Variants in CTNNA2 observed in about 807,000 individuals in gnomAD.
CTNNA2 encodes catenin alpha 2.
CTNNA2 carries 42 observed loss-of-function variants against 101.0 expected under a neutral mutation model. The observed-to-expected ratio is 0.42, with a 90% CI of 0.32 to 0.54. CTNNA2 has a LOEUF of 0.54. Ranked by LOEUF, CTNNA2 falls within the 20% of genes least tolerant of loss-of-function variation. CTNNA2 has a pLI of 0.14. For synonymous variants in CTNNA2, 450 were observed against 456.4 expected (o/e 0.99, Z 0.18); for missense variants, 871 against 1,223.1 (o/e 0.71, Z 4.29).
intron 7 of CTNNA2, among the ~76,000 whole-genome samples, chr2:80,287,905 T>A (rs1158522006): frequency 6.6e-6 from 1 of 152,198 alleles, no homozygotes; most frequent in African/African-American, 2.4e-5. Flanking sequence ...CAGCACCAGG[T>A]AAAGGCATTG....
intron 1 of CTNNA2, among the ~76,000 whole-genome samples, chr2:79,621,979 C>T (rs1159978095): frequency 2.0e-5 from 3 of 152,152 alleles, no homozygotes; most frequent in Non-Finnish European, 4.4e-5. Flanking sequence ...GTCTGAGAAA[C>T]TGTAGCAGCC....
intron 3 of CTNNA2, among the ~76,000 whole-genome samples, chr2:79,840,919 G>A (rs545486511): frequency 3.4e-4 from 51 of 152,204 alleles, no homozygotes; most frequent in African/African-American, 1.2e-3. Flanking sequence ...ACAGGCGCCC[G>A]CCACGGCACC....
intron 4 of CTNNA2, among the ~76,000 whole-genome samples, chr2:79,456,507 G>C (rs1460148960): frequency 1.3e-5 from 2 of 152,024 alleles, no homozygotes; most frequent in African/African-American, 4.8e-5. Context: ...CATCTCATTT[G>C]GTGCTGTATT....
At chr2:79,311,845 G>A (rs10186312) in intron 2 of CTNNA2, among the ~76,000 whole-genome samples, 27,209 of 152,084 alleles carry the variant, frequency 0.18, 2,831 homozygotes, top group African/African-American at 0.29. Context: ...CTTTTCCTTT[G>A]GAGGTAGTTA....
intron 1 of CTNNA2, among the ~76,000 whole-genome samples, chr2:79,521,129 T>A (rs1355134075): frequency 6.6e-5 from 1 of 15,138 alleles, no homozygotes; most frequent in Admixed American, 4.5e-4. Context: ...TATATATATA[T>A]ATATATATAT....
At chr2:79,686,085 A>T (rs1449492328) in intron 2 of CTNNA2, among the ~76,000 whole-genome samples, 2 of 152,142 alleles carry the variant, frequency 1.3e-5, no homozygotes, top group Non-Finnish European at 2.9e-5. Context: ...GAAGGCCCTG[A>T]CATAAGGCTG....
At chr2:79,702,111 G>A (rs1685050751) in intron 2 of CTNNA2, among the ~76,000 whole-genome samples, 1 of 151,418 alleles carries the variant, frequency 6.6e-6, no homozygotes, top group African/African-American at 2.4e-5. Context: ...GGTACTCAAA[G>A]TCTTTCATTC....
At chr2:79,348,358 G>T (rs1215983433) in intron 3 of CTNNA2, among the ~76,000 whole-genome samples, 2 of 152,130 alleles carry the variant, frequency 1.3e-5, no homozygotes, top group African/African-American at 4.8e-5. Context: ...CAGTTGTTTT[G>T]GGGGCACAAT....
At chr2:79,552,334 G>C (rs1443701891) in intron 1 of CTNNA2, among the ~76,000 whole-genome samples, 1 of 152,154 alleles carries the variant, frequency 6.6e-6, no homozygotes, top group Non-Finnish European at 1.5e-5. Flanking sequence ...AGTGATGCAA[G>C]GGTGGGCTCC....
chr2:79,189,713 A>G (rs140436854), intron 1 of CTNNA2, among the ~76,000 whole-genome samples: 2 of 152,270 alleles, frequency 1.3e-5, no homozygotes, highest in East Asian at 1.9e-4. Flanking sequence ...CACCCTCTGG[A>G]GTTAAGCTCC....
chr2:80,510,806 A>G (rs1356007667), intron 9 of CTNNA2, among the ~76,000 whole-genome samples: 1 of 152,208 alleles, frequency 6.6e-6, no homozygotes, highest in Non-Finnish European at 1.5e-5. Flanking sequence ...TAATCCTGGA[A>G]TAGACTGACT....
At chr2:80,466,879 A>C (rs1303763398) in intron 9 of CTNNA2, among the ~76,000 whole-genome samples, 1 of 152,222 alleles carries the variant, frequency 6.6e-6, no homozygotes, top group Non-Finnish European at 1.5e-5. Context: ...GATACCTTGC[A>C]TTGTTCTAAT....
At chr2:79,407,731 A>G (rs988998777) in intron 4 of CTNNA2, among the ~76,000 whole-genome samples, 2 of 151,932 alleles carry the variant, frequency 1.3e-5, no homozygotes, top group Non-Finnish European at 2.9e-5. Context: ...CGCAGACTGA[A>G]AGACAGCTTT....
At chr2:80,532,410 C>T (rs559844930) in intron 9 of CTNNA2, among the ~76,000 whole-genome samples, 21 of 152,312 alleles carry the variant, frequency 1.4e-4, no homozygotes, top group African/African-American at 2.9e-4. Context: ...TGTGCCCCTT[C>T]GTCACTTAGT....
chr2:79,624,701 T>A (rs547670292), intron 1 of CTNNA2, among the ~76,000 whole-genome samples: 7 of 152,234 alleles, frequency 4.6e-5, no homozygotes, highest in Admixed American at 4.6e-4. Context: ...TGCACCAGAT[T>A]CTGTGAGAAT....
At chr2:80,241,076 T>C (rs1180534169) in intron 7 of CTNNA2, among the ~76,000 whole-genome samples, 1 of 152,148 alleles carries the variant, frequency 6.6e-6, no homozygotes, top group Non-Finnish European at 1.5e-5. Context: ...GAAGGAGTTC[T>C]AATTCGGTCA....
At chr2:79,203,690 G>A (rs1674066009) in intron 2 of CTNNA2, among the ~76,000 whole-genome samples, 1 of 152,194 alleles carries the variant, frequency 6.6e-6, no homozygotes, top group South Asian at 2.1e-4. Context: ...GGACAAGAAC[G>A]AAAGGTTATC....
intron 7 of CTNNA2, among the ~76,000 whole-genome samples, chr2:80,054,297 A>G (rs1219782908): frequency 2.0e-5 from 3 of 152,212 alleles, no homozygotes; most frequent in Non-Finnish European, 4.4e-5. Context: ...CTTTAGTCAC[A>G]ATTCTGAGAG....
At chr2:79,798,941 T>G (rs1675934594) in intron 3 of CTNNA2, among the ~76,000 whole-genome samples, 1 of 152,184 alleles carries the variant, frequency 6.6e-6, no homozygotes, top group African/African-American at 2.4e-5. Context: ...GCATGGAAAG[T>G]ACGCATCTGG....
Sources: allele counts gnomAD v4.1 joint callset (sites outside exome capture counted in the v4.1 genomes callset), GRCh38; gene constraint gnomAD v4.1.1; transcripts MANE v1.5; gene names NCBI Gene and HGNC (gene_info 2026-07-23, HGNC 2026-07-21).